TBC1D1: variants seen among roughly 807,000 people sequenced by gnomAD.
TBC1D1 encodes TBC1 domain family member 1, also known as TBC1 (tre-2/USP6, BUB2, cdc16) domain family, member 1.
A neutral mutation model predicts 125.6 loss-of-function variants in TBC1D1; 89 were observed. That is an observed-to-expected ratio of 0.71 (90% CI 0.60 to 0.85). TBC1D1 has a LOEUF of 0.85. Among genes scored for constraint, TBC1D1 ranks in the 40% least tolerant of loss-of-function variants. The probability of loss-of-function intolerance (pLI) is 0.00; values close to 1 mark genes in which losing one functional copy is unlikely to be tolerated. For missense variants in TBC1D1, 1,377 were observed against 1,469.2 expected, an observed-to-expected ratio of 0.94 and a Z score of 1.03; for synonymous variants, 565 against 564.1, an observed-to-expected ratio of 1.00 and a Z score of -0.02.
intron 2 of TBC1D1, among the ~76,000 whole-genome samples, chr4:37,935,541 C>T (rs1354307623): frequency 1.3e-5 from 2 of 152,306 alleles, no homozygotes; most frequent in East Asian, 3.9e-4. Context: ...TCTCCTACCT[C>T]TGGTAACCCA....
chr4:38,109,775 T>C (rs1333049445), intron 15 of TBC1D1, among the ~76,000 whole-genome samples: 1 of 152,206 alleles, frequency 6.6e-6, no homozygotes, highest in Non-Finnish European at 1.5e-5. Context: ...AGACTGATAC[T>C]GGGCAACTGA....
chr4:38,031,355 G>A (rs1746090078), intron 7 of TBC1D1, among the ~76,000 whole-genome samples: 1 of 152,208 alleles, frequency 6.6e-6, no homozygotes, highest in Non-Finnish European at 1.5e-5. Flanking sequence ...GGTCAGAAGA[G>A]ACTCTTTTTA....
intron 13 of TBC1D1, among the ~76,000 whole-genome samples, chr4:38,094,635 A>G (rs1363007947): frequency 6.6e-6 from 1 of 152,196 alleles, no homozygotes; most frequent in Non-Finnish European, 1.5e-5. Context: ...TCTTCTGGCC[A>G]GTTCTTTCTG....
At chr4:38,122,193 T>C (rs1763960013) in intron 17 of TBC1D1, among the ~76,000 whole-genome samples, 1 of 152,216 alleles carries the variant, frequency 6.6e-6, no homozygotes, top group Non-Finnish European at 1.5e-5. Context: ...AAGGTGGCCT[T>C]TCTCTGACAC....
intron 2 of TBC1D1, among the ~76,000 whole-genome samples, chr4:37,988,740 A>G (rs573584862): frequency 6.6e-6 from 1 of 152,310 alleles, no homozygotes; most frequent in South Asian, 2.1e-4. Context: ...ATGGAAACCA[A>G]AAACAAAATT....
intron 1 of TBC1D1, among the ~76,000 whole-genome samples, chr4:37,896,250 G>A (rs2152209992): frequency 6.6e-6 from 1 of 152,222 alleles, no homozygotes; most frequent in South Asian, 2.1e-4. Flanking sequence ...AGGAGGTGAG[G>A]GCTGAAGCTG....
chr4:38,087,624 C>T (rs1179601199), intron 12 of TBC1D1, among the ~76,000 whole-genome samples: 1 of 151,828 alleles, frequency 6.6e-6, no homozygotes, highest in Non-Finnish European at 1.5e-5. Flanking sequence ...GGCAGATCAC[C>T]TGAGGTCAGG....
chr4:38,114,043 A>AG (rs1491396530), intron 15 of TBC1D1, among the ~76,000 whole-genome samples: 4 of 105,296 alleles, frequency 3.8e-5, no homozygotes, highest in African/African-American at 9.3e-5. Flanking sequence ...CCATTGTTCT[A>AG]CACACACACA....
chr4:38,051,798 C>G, intron 11 of TBC1D1, 101 bp from the exon 12 acceptor site: 1 of 1,169,714 alleles, frequency 8.5e-7, no homozygotes, highest in Non-Finnish European at 1.2e-6. Context: ...ACTGGAACAA[C>G]GAGACAAAAG....
In TBC1D1 at chr4:37,977,286, C is replaced by T. The variant is rs1733328757; in HGVS notation, c.418-37223C>T. The stretch of plus-strand genomic sequence containing the variant: ...CACCCCCTCCCCGCGCTCTCCCCTC[C>T]CACTTCCCTTTCTCTGCCTGGCCGC... On this transcript the variant is annotated intron_variant, in intron 2 of 19. Transcript: ENST00000261439. The surrounding 1 kb of genome is among the most constrained non-coding windows in gnomAD (Gnocchi z 4.3). 6.7e-6 allele frequency: 1 copy of T among 150,288 alleles called. No individual in the cohort carries two copies. The highest frequency in any genetic ancestry group is 1.5e-5 in the Non-Finnish European group (1 of 66,966). The allele number at this position is 150,288 out of a possible 1,614,324, so 9.3% of individuals were successfully genotyped here. A position where few individuals can be genotyped will look rare whatever the true frequency, so the allele number is the denominator to read the frequency against.
chr4:37,914,699 C>T (rs1157632714), intron 2 of TBC1D1, among the ~76,000 whole-genome samples: 2 of 152,216 alleles, frequency 1.3e-5, no homozygotes, highest in African/African-American at 2.4e-5. Context: ...TTTGCTGGGG[C>T]CTATCATGTA....
chr4:37,978,519 T>C (rs1271280778), intron 2 of TBC1D1, among the ~76,000 whole-genome samples: 1 of 152,252 alleles, frequency 6.6e-6, no homozygotes, highest in East Asian at 1.9e-4. Flanking sequence ...TATAGTCTTA[T>C]TTAATTACAT....
rs1749331461 is a variant in TBC1D1, at chr4:38,045,800, G to A, written c.1543-17G>A. ...AAGCCTCCAGAGTCATAACTCGACTGCCTTTTCTTTATGTAGGGTAATAAA... is the reference window on the plus strand; with the variant it reads ...AAGCCTCCAGAGTCATAACTCGACTACCTTTTCTTTATGTAGGGTAATAAA... On this transcript the variant is annotated splice_polypyrimidine_tract_variant and intron_variant, in intron 9 of 19. Transcript: ENST00000261439. 6.2e-7 allele frequency: 1 copy of A among 1,610,194 alleles called. No homozygotes were observed. Among genetic ancestry groups the A allele is most frequent in the South Asian group, 1.1e-5 (1 of 90,998 alleles).
Position 37,977,442 on chromosome 4 carries a change from G to A in TBC1D1, c.418-37067G>A, listed in dbSNP as rs1578125222. ...CGCCCCCGGCCGCCCGCGGGCCCAC[G>A]GGCCGGCGGCGGGAGTGAGCGGGAG... is the stretch of plus-strand genomic sequence containing the variant. On this transcript the variant is annotated intron_variant, in intron 2 of 19. Coordinates refer to ENST00000261439, the MANE Select transcript of TBC1D1 (RefSeq NM_015173.4). The surrounding 1 kb of genome is among the most constrained non-coding windows in gnomAD (Gnocchi z 4.3). 29 of 978,770 alleles carry A rather than the reference G, an allele frequency of 3.0e-5. No homozygotes were observed. Among genetic ancestry groups the A allele is most frequent in the Non-Finnish European group, 3.4e-5 (28 of 822,688 alleles). The allele number at this position is 978,770 out of a possible 1,614,324, so 60.6% of individuals were successfully genotyped here.
At chr4:37,899,929 G>A (rs1014524872) in intron 1 of TBC1D1, among the ~76,000 whole-genome samples, 9 of 151,012 alleles carry the variant, frequency 6.0e-5, no homozygotes, top group Non-Finnish European at 1.2e-4. Context: ...GACCATCCTG[G>A]CTAACACGGT....
At chr4:38,125,257 G>GTT in intron 18 of TBC1D1, 126 bp downstream of exon 20, 4 of 837,204 alleles carry the variant, frequency 4.8e-6, no homozygotes, top group South Asian at 1.8e-5. Context: ...ATGATGCCTG[G>GTT]CATGGAGGAG....
rs1744098296 is a variant in TBC1D1, at chr4:38,021,808, G to C, written c.1210+90G>C. 37 of 1,330,078 alleles carry C rather than the reference G, an allele frequency of 2.8e-5. 2 individuals carry two copies. In the South Asian group the frequency reaches 6.7e-4, roughly 24 times the overall value. The allele number at this position is 1,330,078 out of a possible 1,614,324, so 82.4% of individuals were successfully genotyped here. A position where few individuals can be genotyped will look rare whatever the true frequency, so the allele number is the denominator to read the frequency against. ...TGATACTCATCTGTTGGAAGATTCT[G>C]CCTAACAGAGGCTTGTATTAGTCAC... On this transcript the variant is annotated intron_variant, in intron 6 of 19. Coordinates refer to ENST00000261439, the MANE Select transcript of TBC1D1 (RefSeq NM_015173.4).
intron 2 of TBC1D1, among the ~76,000 whole-genome samples, chr4:37,967,347 T>C (rs1731262614): frequency 6.6e-6 from 1 of 151,878 alleles, no homozygotes. Context: ...ATACAAAAAT[T>C]AGCTGGGCGC....
intron 11 of TBC1D1, chr4:38,053,224 A>G: frequency 6.6e-7 from 1 of 1,508,292 alleles, no homozygotes; most frequent in Non-Finnish European, 8.8e-7. Context: ...GAACACAAAA[A>G]GGTAGGGCTT....
Sources: allele counts gnomAD v4.1 joint callset (sites outside exome capture counted in the v4.1 genomes callset), GRCh38; gene constraint gnomAD v4.1.1; non-coding constraint Gnocchi (gnomAD v3.1); transcripts MANE v1.5; gene names NCBI Gene and HGNC (gene_info 2026-07-23, HGNC 2026-07-21).